Variants in NSF observed in about 807,000 individuals in gnomAD.
NSF encodes vesicle-fusing ATPase.
Under a neutral mutation model 50.3 loss-of-function variants are expected in NSF, and 14 were observed. That is an observed-to-expected ratio of 0.28 (90% CI 0.18 to 0.44). The LOEUF is 0.44. Ranked by LOEUF, NSF falls within the 20% of genes least tolerant of loss-of-function variation. The pLI is 1.00. For synonymous variants in NSF, 109 were observed against 175.7 expected (o/e 0.62, Z 3.00); for missense variants, 218 against 504.3 (o/e 0.43, Z 5.44).
At position 46,724,128 on chromosome 17, in the gene NSF, T is replaced by C. The variant is rs186436350; in HGVS notation, c.1762-2421T>C. Among the ~76,000 whole-genome samples the C allele has an allele frequency of 6.0e-3, 921 of 152,306 alleles. 1 individual carries two copies. Among genetic ancestry groups the C allele is most frequent in the Non-Finnish European group, 7.4e-3 (504 of 68,012 alleles). ...TCTCCTAATTTTCAGTATATTCTGC[T>C]TAGAACACTTTCTTCCACCCTTTCC... On this transcript the variant is annotated intron_variant, in intron 15 of 20. Transcript: ENST00000398238.
chr17:46,720,969 G>T (rs577112097), intron 15 of NSF, among the ~76,000 whole-genome samples: 1 of 152,306 alleles, frequency 6.6e-6, no homozygotes, highest in South Asian at 2.1e-4. Context: ...TCTGGAGCCC[G>T]TAGCTGCTGC....
intron 17 of NSF, among the ~76,000 whole-genome samples, chr17:46,745,980 C>G (rs2059123891): frequency 6.6e-6 from 1 of 152,196 alleles, no homozygotes; most frequent in Non-Finnish European, 1.5e-5. Flanking sequence ...TCAACCTACT[C>G]ATTCCTTACG....
chr17:46,595,560 G>T (rs2057862438), intron 1 of NSF, among the ~76,000 whole-genome samples: 1 of 127,734 alleles, frequency 7.8e-6, no homozygotes, highest in South Asian at 2.4e-4. Context: ...GTGTTATCTT[G>T]GCCTCACTGC....
intron 1 of NSF, chr17:46,602,625 A>G (rs894961023): frequency 5.3e-5 from 5 of 94,890 alleles, no homozygotes; most frequent in African/African-American, 2.2e-4. Context: ...AAAAATTGTG[A>G]AGTGTTTTTA....
At chr17:46,717,906 G>A (rs755310215) in intron 15 of NSF, among the ~76,000 whole-genome samples, 7 of 152,162 alleles carry the variant, frequency 4.6e-5, no homozygotes, top group Non-Finnish European at 1.0e-4. Flanking sequence ...TCCTGGATAT[G>A]AGCTCAGCCT....
chr17:46,716,311 C>T (rs1056089559), intron 15 of NSF, among the ~76,000 whole-genome samples: 1 of 149,758 alleles, frequency 6.7e-6, no homozygotes, highest in Admixed American at 6.7e-5. Flanking sequence ...GGCTGGAGTA[C>T]AGTGGCGTGA....
intron 17 of NSF, among the ~76,000 whole-genome samples, chr17:46,737,690 G>A (rs1348369360): frequency 2.6e-5 from 4 of 151,876 alleles, no homozygotes; most frequent in Admixed American, 6.6e-5. Context: ...ATAGAGTTAG[G>A]TTTTATATGT....
At chr17:46,747,992 G>GAAAGTT (rs1167728941) in intron 17 of NSF, among the ~76,000 whole-genome samples, 1 of 152,162 alleles carries the variant, frequency 6.6e-6, no homozygotes, top group Non-Finnish European at 1.5e-5. Flanking sequence ...AAAAGATTCT[G>GAAAGTT]AAAGTTTTGT....
intron 15 of NSF, among the ~76,000 whole-genome samples, chr17:46,725,065 A>G (rs972565120): frequency 8.5e-5 from 13 of 152,234 alleles, no homozygotes; most frequent in African/African-American, 3.1e-4. Flanking sequence ...TTAAGACAGC[A>G]CTTGCCATCT....
intron 17 of NSF, among the ~76,000 whole-genome samples, chr17:46,735,065 C>G (rs1260257297): frequency 6.6e-6 from 1 of 152,014 alleles, no homozygotes; most frequent in Admixed American, 6.6e-5. Flanking sequence ...ACAAAACCAA[C>G]AAAAAACAGT....
chr17:46,754,468 C>G (rs2059214382), intron 19 of NSF, among the ~76,000 whole-genome samples: 1 of 152,072 alleles, frequency 6.6e-6, no homozygotes, highest in Non-Finnish European at 1.5e-5. Context: ...CAGACTCCTG[C>G]TCTGAAACAT....
chr17:46,694,908 G>A (rs535309581), intron 12 of NSF, among the ~76,000 whole-genome samples: 1 of 126,608 alleles, frequency 7.9e-6, no homozygotes, highest in South Asian at 2.9e-4. Context: ...GACACGTAAA[G>A]TGAAAATTTT....
chr17:46,720,198 G>C (rs544277869), intron 15 of NSF, among the ~76,000 whole-genome samples: 2 of 152,302 alleles, frequency 1.3e-5, no homozygotes, highest in East Asian at 3.9e-4. Flanking sequence ...ATTTGTTGAA[G>C]TTTTTGCATA....
chr17:46,735,264 A>G, intron 17 of NSF, among the ~76,000 whole-genome samples: 1 of 152,184 alleles, frequency 6.6e-6, no homozygotes, highest in East Asian at 1.9e-4. Context: ...ATCATCAGAG[A>G]AATGCTAATA....
At chr17:46,707,583 A>G (rs941062163) in intron 13 of NSF, among the ~76,000 whole-genome samples, 2 of 152,122 alleles carry the variant, frequency 1.3e-5, no homozygotes, top group African/African-American at 4.8e-5. Flanking sequence ...TCTACTGTCC[A>G]TCTTTATGAA....
At position 46,755,956 on chromosome 17, in the gene NSF, A is replaced by G. The variant is rs975727415; in HGVS notation, c.*133A>G. Reference sequence around the variant, plus strand: ...TACCTTCAACATGTGCTCGCTCTGCATGATTAGTGCAATAAAACTCCCTTC... The same window carrying G: ...TACCTTCAACATGTGCTCGCTCTGCGTGATTAGTGCAATAAAACTCCCTTC... On this transcript the variant is annotated 3_prime_UTR_variant, in exon 21 of 21. Coordinates refer to ENST00000398238, the MANE Select transcript of NSF (RefSeq NM_006178.4). The G allele has an allele frequency of 1.1e-5, 9 of 807,186 alleles. No homozygotes were observed. In the African/African-American group the frequency reaches 1.2e-4, roughly 11 times the overall value. The allele number at this position is 807,186 out of a possible 1,614,324, so 50.0% of individuals were successfully genotyped here. A position where few individuals can be genotyped will look rare whatever the true frequency, so the allele number is the denominator to read the frequency against.
chr17:46,740,212 A>G (rs944879833), intron 17 of NSF, among the ~76,000 whole-genome samples: 2 of 152,196 alleles, frequency 1.3e-5, no homozygotes, highest in Non-Finnish European at 2.9e-5. Context: ...CCAGATAAGT[A>G]AGGCATTATT....
At chr17:46,721,059 C>T (rs926847680) in intron 15 of NSF, among the ~76,000 whole-genome samples, 3 of 152,174 alleles carry the variant, frequency 2.0e-5, no homozygotes, top group Non-Finnish European at 4.4e-5. Context: ...CTTGCCGTGT[C>T]CTTGAGCACC....
At chr17:46,673,340 A>AT (rs2058380606) in intron 8 of NSF, among the ~76,000 whole-genome samples, 1 of 109,018 alleles carries the variant, frequency 9.2e-6, no homozygotes, top group African/African-American at 3.2e-5. Context: ...TTCATTTCAG[A>AT]TAAGGACAAA....
Sources: gnomAD v4.1 joint callset for allele counts (sites outside exome capture counted in the v4.1 genomes callset) on GRCh38, gnomAD v4.1.1 for gene constraint, MANE v1.5 for transcripts, NCBI Gene and HGNC (gene_info 2026-07-23, HGNC 2026-07-21) for gene names.